Variants in ABCB5 observed in about 807,000 individuals in gnomAD.
The protein encoded by ABCB5 is ATP binding cassette subfamily B member 5, also known as ATP-binding cassette sub-family B member 5.
In ABCB5, 155 loss-of-function variants were observed where a neutral mutation model predicts 144.2. The observed-to-expected ratio is 1.08, with a 90% CI of 0.94 to 1.23. ABCB5 has a LOEUF of 1.23. Among genes scored for constraint, ABCB5 ranks in the 50% most tolerant of loss-of-function variants. The pLI is 0.00. For synonymous variants in ABCB5, 610 were observed against 528.6 expected, an observed-to-expected ratio of 1.15 and a Z score of -2.11; for missense variants, 1,830 against 1,520.8, an observed-to-expected ratio of 1.20 and a Z score of -3.38.
chr7:20,755,321 G>T, intron 27 of ABCB5, 106 bp from the exon 28 acceptor site: 1 of 935,170 alleles, frequency 1.1e-6, no homozygotes. Context: ...TTGGGGACAA[G>T]CAAATAAAGC....
intron 25 of ABCB5, among the ~76,000 whole-genome samples, chr7:20,743,718 A>T (rs1268620421): frequency 6.6e-6 from 1 of 152,002 alleles, no homozygotes; most frequent in African/African-American, 2.4e-5. Context: ...TCCTGCCCGT[A>T]CAAAAAAGTT....
chr7:20,688,736 T>C (rs1016891454), intron 16 of ABCB5, among the ~76,000 whole-genome samples: 4 of 152,132 alleles, frequency 2.6e-5, no homozygotes, highest in African/African-American at 9.7e-5. Flanking sequence ...CCATCAATGA[T>C]AGACTGGATT....
intron 5 of ABCB5, among the ~76,000 whole-genome samples, chr7:20,632,703 C>G (rs1281264872): frequency 2.0e-5 from 3 of 152,056 alleles, no homozygotes; most frequent in Admixed American, 6.6e-5. Context: ...GAGTTCATGT[C>G]CTTTGTAGGG....
intron 23 of ABCB5, among the ~76,000 whole-genome samples, chr7:20,733,557 C>T (rs1429306783): frequency 2.0e-5 from 3 of 151,864 alleles, no homozygotes; most frequent in Non-Finnish European, 4.4e-5. Flanking sequence ...TTGGTATTTC[C>T]CAGTGCCCCA....
chr7:20,749,218 CCCT>C (rs1562592755), intron 26 of ABCB5, among the ~76,000 whole-genome samples: 2 of 138,588 alleles, frequency 1.4e-5, no homozygotes, highest in East Asian at 2.1e-4. Context: ...CCCTCCCTCC[CCCT>C]CTCTCTCTTT....
chr7:20,643,787 A>G (rs941414943), intron 7 of ABCB5, among the ~76,000 whole-genome samples, 155 bp downstream of exon 7: 2 of 152,266 alleles, frequency 1.3e-5, no homozygotes, highest in Non-Finnish European at 2.9e-5. Flanking sequence ...TTTGTTCACC[A>G]TTAATCCCCT....
rs574042519 is a variant in ABCB5, at chr7:20,644,714, T to C, written c.679-1042T>C. On this transcript the variant is annotated intron_variant, in intron 7 of 27. Coordinates refer to ENST00000404938, the MANE Select transcript of ABCB5 (RefSeq NM_001163941.2). Reference sequence around the variant, plus strand: ...TAAATTTGGCAACACTAATCATTCTTTATGGAAATCCAGTTCCTAAAATTT... The same window carrying C: ...TAAATTTGGCAACACTAATCATTCTCTATGGAAATCCAGTTCCTAAAATTT... Among the ~76,000 whole-genome samples, 3 of 152,336 alleles carry C rather than the reference T, an allele frequency of 2.0e-5. No individual in the cohort carries two copies. In the East Asian group the frequency reaches 5.8e-4, roughly 29 times the overall value.
intron 14 of ABCB5, among the ~76,000 whole-genome samples, chr7:20,665,768 GATAC>G (rs67828264): frequency 0.012 from 1,449 of 125,436 alleles, 14 homozygotes; most frequent in Non-Finnish European, 0.014. Flanking sequence ...GATAGATAGA[GATAC>G]ATACATACAT....
At chr7:20,677,879 A>G (rs7785736) in intron 14 of ABCB5, among the ~76,000 whole-genome samples, 6,361 of 152,284 alleles carry the variant, frequency 0.042, 358 homozygotes, top group African/African-American at 0.13. Flanking sequence ...TCTGTCAATG[A>G]TCAAGACCAG....
At chr7:20,635,661 C>T (rs965266841) in intron 5 of ABCB5, among the ~76,000 whole-genome samples, 2 of 151,830 alleles carry the variant, frequency 1.3e-5, no homozygotes, top group African/African-American at 2.4e-5. Flanking sequence ...TTTTTTGTAG[C>T]TATTGTAAAT....
chr7:20,719,849 T>C (rs1380669294), intron 20 of ABCB5, among the ~76,000 whole-genome samples: 1 of 152,134 alleles, frequency 6.6e-6, no homozygotes. Flanking sequence ...CCTTACAATG[T>C]TGACTTGGAA....
intron 26 of ABCB5, among the ~76,000 whole-genome samples, chr7:20,748,516 GGC>G: frequency 6.6e-6 from 1 of 152,086 alleles, no homozygotes; most frequent in South Asian, 2.1e-4. Flanking sequence ...TGGGCATGGT[GGC>G]ACACGCCTGT....
At chr7:20,735,487 C>T (rs1782353610) in intron 23 of ABCB5, among the ~76,000 whole-genome samples, 1 of 152,192 alleles carries the variant, frequency 6.6e-6, no homozygotes, top group South Asian at 2.1e-4. Flanking sequence ...ACACTGGTTA[C>T]ACAAAACAAA....
intron 23 of ABCB5, among the ~76,000 whole-genome samples, chr7:20,736,241 C>T (rs752549040): frequency 7.9e-5 from 12 of 151,978 alleles, no homozygotes; most frequent in South Asian, 2.1e-4. Context: ...TTTCTTGAGA[C>T]GGAGTCTCAC....
chr7:20,713,476 TC>T (rs778241814), intron 20 of ABCB5, among the ~76,000 whole-genome samples: 2 of 149,608 alleles, frequency 1.3e-5, no homozygotes, highest in Non-Finnish European at 3.0e-5. Flanking sequence ...GTTCACGTGG[TC>T]CTCCCACCTT....
chr7:20,738,462 T>C (rs1456864302), intron 23 of ABCB5, among the ~76,000 whole-genome samples: 1 of 152,210 alleles, frequency 6.6e-6, no homozygotes, highest in Non-Finnish European at 1.5e-5. Context: ...TTTGGGAACC[T>C]GAGGAAAATA....
At chr7:20,721,800 A>G (rs1262465933) in intron 20 of ABCB5, among the ~76,000 whole-genome samples, 1 of 152,228 alleles carries the variant, frequency 6.6e-6, no homozygotes, top group African/African-American at 2.4e-5. Context: ...TTCACTTTAG[A>G]ACATTTTTGA....
intron 20 of ABCB5, among the ~76,000 whole-genome samples, chr7:20,722,101 G>A (rs1781885992): frequency 6.6e-6 from 1 of 152,142 alleles, no homozygotes; most frequent in Non-Finnish European, 1.5e-5. Flanking sequence ...ACTAAAGATA[G>A]ACTCTTTCTT....
At chr7:20,672,466 C>A (rs943664227) in intron 14 of ABCB5, among the ~76,000 whole-genome samples, 1 of 151,864 alleles carries the variant, frequency 6.6e-6, no homozygotes, top group African/African-American at 2.4e-5. Context: ...GGGCTTAATA[C>A]CCAGGTGACA....
Sources: allele counts gnomAD v4.1 joint callset (sites outside exome capture counted in the v4.1 genomes callset), GRCh38; gene constraint gnomAD v4.1.1; transcripts MANE v1.5; gene names NCBI Gene and HGNC (gene_info 2026-07-23, HGNC 2026-07-21).